The following MCPH1 variants were observed in gnomAD, a reference collection of about 807,000 sequenced individuals.
The protein encoded by MCPH1 is microcephalin.
A neutral mutation model predicts 84.5 loss-of-function variants in MCPH1; 104 were observed. The observed-to-expected ratio is 1.23, with a 90% CI of 1.05 to 1.45. The LOEUF (loss-of-function observed/expected upper bound fraction) is 1.45, where lower values mean the gene tolerates loss of function less well. Ranked by LOEUF, MCPH1 falls within the 40% of genes most tolerant of loss-of-function variation. The probability of loss-of-function intolerance (pLI) is 0.00; values close to 1 mark genes in which losing one functional copy is unlikely to be tolerated. For synonymous variants in MCPH1, 514 were observed against 366.8 expected (o/e 1.40, Z -4.58); for missense variants, 1,498 against 1,005.7 (o/e 1.49, Z -6.62).
intron 3 of MCPH1, among the ~76,000 whole-genome samples, chr8:6,425,977 C>T (rs539534634): frequency 4.6e-5 from 7 of 152,202 alleles, no homozygotes; most frequent in South Asian, 2.1e-4. Context: ...AGTGGTAAAT[C>T]GGTGACATTT....
At chr8:6,536,283 C>T (rs946419742) in intron 12 of MCPH1, among the ~76,000 whole-genome samples, 11 of 152,060 alleles carry the variant, frequency 7.2e-5, no homozygotes, top group Non-Finnish European at 1.3e-4. Flanking sequence ...GTATGGGAAT[C>T]GCTGTGTCGG....
chr8:6,416,048 T>C (rs1027387737), intron 3 of MCPH1, among the ~76,000 whole-genome samples: 1 of 152,248 alleles, frequency 6.6e-6, no homozygotes, highest in African/African-American at 2.4e-5. Flanking sequence ...TTTTTGTTCA[T>C]TTTCATGTGA....
chr8:6,480,751 A>G lies in MCPH1; in HGVS notation c.2011A>G (p.Lys671Glu). ...CGTCATCCAGGTTGTGGATAAATTG[A>G]AAGGCTTTTCAATTGCACCAGACGT... ...NVVIQVVDKL[K>E]GFSIAPDVCE... The change falls in exon 11 of 14, where the codon AAA (lysine) becomes GAA (glutamate). Residue 671 changes from lysine to glutamate, a missense_variant. By Grantham distance (56) the Lys-to-Glu change is moderately conservative. Coordinates refer to ENST00000344683, the MANE Select transcript of MCPH1 (RefSeq NM_024596.5). 1 of 1,614,214 alleles carries G rather than the reference A, an allele frequency of 6.2e-7. No individual in the cohort carries two copies. Among genetic ancestry groups the G allele is most frequent in the East Asian group, 2.2e-5 (1 of 44,876 alleles).
At chr8:6,436,363 C>A (rs369275855) in intron 5 of MCPH1, among the ~76,000 whole-genome samples, 1 of 152,208 alleles carries the variant, frequency 6.6e-6, no homozygotes, top group Admixed American at 6.5e-5. Flanking sequence ...TTGAGCTAAT[C>A]GACCACAGTC....
At chr8:6,480,282 G>A (rs931849947) in intron 10 of MCPH1, among the ~76,000 whole-genome samples, 65 of 152,070 alleles carry the variant, frequency 4.3e-4, no homozygotes, top group Non-Finnish European at 6.9e-4. Context: ...GTGCCACCAC[G>A]CCTGGCTAAT....
At chr8:6,441,125 A>G (rs936071635) in intron 6 of MCPH1, among the ~76,000 whole-genome samples, 2 of 152,208 alleles carry the variant, frequency 1.3e-5, no homozygotes, top group African/African-American at 2.4e-5. Flanking sequence ...ACTGAAATGT[A>G]GTCTTGACTG....
intron 12 of MCPH1, among the ~76,000 whole-genome samples, chr8:6,586,421 C>T (rs373563596): frequency 2.0e-5 from 3 of 152,226 alleles, no homozygotes; most frequent in African/African-American, 7.2e-5. Context: ...TGTCCTCCAG[C>T]CTCCACGCTT....
intron 9 of MCPH1, among the ~76,000 whole-genome samples, chr8:6,474,547 A>T (rs1016978787): frequency 1.3e-5 from 2 of 152,366 alleles, no homozygotes; most frequent in South Asian, 2.1e-4. Flanking sequence ...TAAATAATTT[A>T]AAAAATTATT....
intron 12 of MCPH1, among the ~76,000 whole-genome samples, chr8:6,577,901 G>A (rs1041062496): frequency 2.0e-5 from 3 of 152,176 alleles, no homozygotes; most frequent in Admixed American, 6.5e-5. Flanking sequence ...CTCCGCCTCC[G>A]GAGTAGCTCT....
intron 12 of MCPH1, among the ~76,000 whole-genome samples, chr8:6,617,510 G>A (rs575483271): frequency 2.0e-4 from 30 of 152,020 alleles, no homozygotes; most frequent in Middle Eastern, 3.4e-3. Context: ...TTTTCACTGA[G>A]GTAACAACAA....
intron 12 of MCPH1, chr8:6,620,120 GC>G (rs1168032629): frequency 1.3e-5 from 2 of 152,076 alleles, no homozygotes; most frequent in African/African-American, 4.8e-5. Flanking sequence ...AGGATATAGT[GC>G]CAAAAATACT....
chr8:6,567,692 G>A (rs145493415), intron 12 of MCPH1, among the ~76,000 whole-genome samples: 1 of 152,246 alleles, frequency 6.6e-6, no homozygotes, highest in Non-Finnish European at 1.5e-5. Context: ...AAAGCCTGGA[G>A]TTGTGGGTGT....
intron 12 of MCPH1, among the ~76,000 whole-genome samples, chr8:6,509,520 G>C (rs1297689234): frequency 6.6e-6 from 1 of 152,154 alleles, no homozygotes; most frequent in Admixed American, 6.5e-5. Flanking sequence ...ACTGAGTTTG[G>C]GGAAGAAATC....
At chr8:6,533,797 C>T (rs1819989928) in intron 12 of MCPH1, among the ~76,000 whole-genome samples, 6 of 152,082 alleles carry the variant, frequency 3.9e-5, no homozygotes, top group Admixed American at 3.3e-4. Context: ...TTCGTGGAGT[C>T]AGTCATCAGA....
intron 12 of MCPH1, among the ~76,000 whole-genome samples, chr8:6,574,835 G>A (rs777407359): frequency 6.6e-6 from 1 of 152,274 alleles, no homozygotes; most frequent in Non-Finnish European, 1.5e-5. Flanking sequence ...CCAGAAGAAG[G>A]GAGAGAGAAC....
rs142593797 is a variant in MCPH1, at chr8:6,639,123, C to T, written c.2453-3871C>T. ...CTTCTGGCAGCCTTTATCCCCACCACGATAAATACGTGGATGGAAGGATAC... is the reference window on the plus strand; with the variant it reads ...CTTCTGGCAGCCTTTATCCCCACCATGATAAATACGTGGATGGAAGGATAC... On this transcript the variant is annotated intron_variant, in intron 13 of 13. Coordinates refer to ENST00000344683, the MANE Select transcript of MCPH1 (RefSeq NM_024596.5). Among the ~76,000 whole-genome samples, 802 of 152,196 alleles carry T rather than the reference C, an allele frequency of 5.3e-3. 6 individuals carry two copies. The highest frequency in any genetic ancestry group is 7.8e-3 in the Non-Finnish European group (533 of 68,030).
At chr8:6,452,057 C>A (rs925411485) in intron 8 of MCPH1, among the ~76,000 whole-genome samples, 3 of 152,194 alleles carry the variant, frequency 2.0e-5, no homozygotes, top group Non-Finnish European at 2.9e-5. Context: ...CAAAATTTGA[C>A]ACAAGCCAAG....
Position 6,445,322 on chromosome 8 carries a change from C to T in MCPH1, c.1600C>T (p.Leu534Phe), listed in dbSNP as rs1206473891. 2 of 1,614,086 alleles carry T rather than the reference C, an allele frequency of 1.2e-6. No homozygotes were observed. Among genetic ancestry groups the T allele is most frequent in the South Asian group, 1.1e-5 (1 of 91,082 alleles). Residue 534 changes from leucine (L) to phenylalanine (F), a missense_variant, in exon 8 of 14, where the codon CTT becomes TTT. Coordinates refer to ENST00000344683, the MANE Select transcript of MCPH1 (RefSeq NM_024596.5). ...TTCTTACACCATTGAGGACCCTGCT[C>T]TTCCAAAAGGACATGATGATGATTT... ...GFSYTIEDPALPKGHDDDLTP... is the reference protein window; with the variant it reads ...GFSYTIEDPAFPKGHDDDLTP...
intron 12 of MCPH1, among the ~76,000 whole-genome samples, chr8:6,573,678 G>A (rs1474632131): frequency 6.6e-6 from 1 of 152,166 alleles, no homozygotes; most frequent in Non-Finnish European, 1.5e-5. Context: ...CTAAAGAAAT[G>A]GGAGCATCTG....
Sources: gnomAD v4.1 joint callset for allele counts (sites outside exome capture counted in the v4.1 genomes callset) on GRCh38, gnomAD v4.1.1 for gene constraint, MANE v1.5 for transcripts, NCBI Gene and HGNC (gene_info 2026-07-23, HGNC 2026-07-21) for gene names.